The following SAMSN1 variants were observed in gnomAD, a reference collection of about 807,000 sequenced individuals.
SAMSN1 encodes the protein SAM domain-containing protein SAMSN-1.
SAMSN1 carries 31 observed loss-of-function variants against 42.0 expected under a neutral mutation model. The ratio of observed to expected loss-of-function variants is 0.74; its 90% CI spans 0.55 to 1.00. SAMSN1 has a LOEUF of 1.00. Ranked by LOEUF, SAMSN1 falls within the 50% of genes least tolerant of loss-of-function variation. The probability of loss-of-function intolerance (pLI) is 0.00; values close to 1 mark genes in which losing one functional copy is unlikely to be tolerated. For synonymous variants in SAMSN1, 178 were observed against 151.9 expected, an observed-to-expected ratio of 1.17 and a Z score of -1.26; for missense variants, 464 against 439.4, an observed-to-expected ratio of 1.06 and a Z score of -0.50.
At chr21:14,545,354 A>C (rs903623229) in intron 1 of SAMSN1, among the ~76,000 whole-genome samples, 1 of 152,110 alleles carries the variant, frequency 6.6e-6, no homozygotes, top group African/African-American at 2.4e-5. Context: ...TCAATCCTTA[A>C]AAAAAATCTG....
chr21:14,648,195 A>C (rs1355355483), intron 1 of SAMSN1, among the ~76,000 whole-genome samples: 3 of 152,092 alleles, frequency 2.0e-5, no homozygotes, highest in Non-Finnish European at 4.4e-5. Context: ...TTTTAGCATG[A>C]AGGGAAAACT....
At chr21:14,594,387 T>C (rs1244485488) in intron 6 of SAMSN1, among the ~76,000 whole-genome samples, 6 of 152,138 alleles carry the variant, frequency 3.9e-5, no homozygotes, top group Admixed American at 1.3e-4. Flanking sequence ...AGCCCTCACA[T>C]AGAGCAATTC....
At chr21:14,573,372 A>G (rs1056267590) in intron 2 of SAMSN1, among the ~76,000 whole-genome samples, 5 of 152,172 alleles carry the variant, frequency 3.3e-5, no homozygotes, top group African/African-American at 1.2e-4. Context: ...ATGAAAATGG[A>G]AATTCTTGTT....
At chr21:14,601,839 AT>A (rs912891496) in intron 6 of SAMSN1, among the ~76,000 whole-genome samples, 40 of 152,314 alleles carry the variant, frequency 2.6e-4, no homozygotes, top group African/African-American at 7.7e-4. Flanking sequence ...TCATCATTGA[AT>A]TTTTTTCATT....
intron 5 of SAMSN1, among the ~76,000 whole-genome samples, chr21:14,508,488 A>C (rs746990872): frequency 1.3e-5 from 2 of 152,230 alleles, no homozygotes; most frequent in African/African-American, 2.4e-5. Context: ...GGGAAATGCA[A>C]ATCAAAACCA....
chr21:14,658,675 T>C (rs1018870199), intron 1 of SAMSN1: 2 of 709,030 alleles, frequency 2.8e-6, no homozygotes, highest in Non-Finnish European at 5.2e-6. Context: ...GTTTAGAATA[T>C]ATCCTAATTT....
intron 2 of SAMSN1, among the ~76,000 whole-genome samples, chr21:14,551,998 G>C (rs758774642): frequency 6.6e-6 from 1 of 152,110 alleles, no homozygotes; most frequent in Non-Finnish European, 1.5e-5. Context: ...CTAAGGGCTA[G>C]GGGGAGGGTA....
At chr21:14,630,883 C>T (rs1170329405) in intron 2 of SAMSN1, among the ~76,000 whole-genome samples, 1 of 152,052 alleles carries the variant, frequency 6.6e-6, no homozygotes, top group Non-Finnish European at 1.5e-5. Flanking sequence ...TAAGACAGAA[C>T]AAAAAACTCT....
chr21:14,626,456 A>G (rs1186931223), intron 2 of SAMSN1, among the ~76,000 whole-genome samples: 2 of 152,244 alleles, frequency 1.3e-5, no homozygotes, highest in Non-Finnish European at 2.9e-5. Flanking sequence ...AACCCCATCA[A>G]AAAGTGAACA....
At chr21:14,488,452 A>C (rs1192088696) in intron 7 of SAMSN1, among the ~76,000 whole-genome samples, 1 of 152,180 alleles carries the variant, frequency 6.6e-6, no homozygotes, top group African/African-American at 2.4e-5. Flanking sequence ...TGTAATTTCC[A>C]AAATTAGTTC....
chr21:14,633,132 G>A (rs1159584689), intron 2 of SAMSN1, among the ~76,000 whole-genome samples: 1 of 152,024 alleles, frequency 6.6e-6, no homozygotes, highest in East Asian at 1.9e-4. Flanking sequence ...AACATGGCTA[G>A]GCCACAGTAC....
chr21:14,514,371 G>A lies in SAMSN1; in HGVS notation c.280-1798C>T, dbSNP rs1000935725. Among the ~76,000 whole-genome samples, 5 of 152,134 alleles carry A rather than the reference G, an allele frequency of 3.3e-5. No homozygotes were observed. In the East Asian group the frequency reaches 9.6e-4, roughly 29 times the overall value. ...ACCAAGTAAAGAGGTTCACTATGAA[G>A]ACACTGAAATTTTAACCATGACCTG... On this transcript the variant is annotated intron_variant, in intron 3 of 7. Transcript: ENST00000400566.
intron 2 of SAMSN1, among the ~76,000 whole-genome samples, chr21:14,625,363 G>GT (rs1983138737): frequency 6.6e-6 from 1 of 152,136 alleles, no homozygotes; most frequent in Non-Finnish European, 1.5e-5. Flanking sequence ...TGACATGATT[G>GT]TATATTTAGA....
chr21:14,604,399 G>C (rs1275491662), intron 5 of SAMSN1, among the ~76,000 whole-genome samples: 1 of 152,074 alleles, frequency 6.6e-6, no homozygotes, highest in African/African-American at 2.4e-5. Flanking sequence ...GTAATATTTT[G>C]TGACTTCCAA....
intron 2 of SAMSN1, among the ~76,000 whole-genome samples, chr21:14,616,851 A>G (rs1982850674): frequency 6.6e-6 from 1 of 152,192 alleles, no homozygotes; most frequent in Admixed American, 6.5e-5. Context: ...GTGAATGGAA[A>G]CCAGAAAAAG....
At chr21:14,584,755 GAC>G (rs1326958494), upstream of SAMSN1, among the ~76,000 whole-genome samples, 3 of 152,170 alleles carry the variant, frequency 2.0e-5, no homozygotes, top group African/African-American at 7.2e-5. Flanking sequence ...CATCTACAAA[GAC>G]ACTGCAGTTT....
At chr21:14,554,930 C>A (rs1029039252) in intron 2 of SAMSN1, among the ~76,000 whole-genome samples, 1 of 151,980 alleles carries the variant, frequency 6.6e-6, no homozygotes. Flanking sequence ...CTCCTGGACT[C>A]AAGAAATTCT....
At chr21:14,563,649 C>A (rs147096116) in intron 2 of SAMSN1, among the ~76,000 whole-genome samples, 48 of 152,204 alleles carry the variant, frequency 3.2e-4, no homozygotes, top group Non-Finnish European at 6.3e-4. Context: ...AGCTTCTTCC[C>A]CAGTAACTAA....
At chr21:14,493,999 C>G (rs1453643971) in intron 7 of SAMSN1, among the ~76,000 whole-genome samples, 1 of 152,082 alleles carries the variant, frequency 6.6e-6, no homozygotes, top group Non-Finnish European at 1.5e-5. Context: ...TCCCACCAAG[C>G]AGTGACCTAG....
Sources: gnomAD v4.1 joint callset for allele counts (sites outside exome capture counted in the v4.1 genomes callset) on GRCh38, gnomAD v4.1.1 for gene constraint, MANE v1.5 for transcripts, NCBI Gene and HGNC (gene_info 2026-07-23, HGNC 2026-07-21) for gene names.